Variants in ZNF683 observed in about 807,000 individuals in gnomAD.
ZNF683 encodes the protein zinc finger protein 683.
ZNF683 carries 20 observed loss-of-function variants against 31.4 expected under a neutral mutation model. The ratio of observed to expected loss-of-function variants is 0.64; its 90% CI spans 0.45 to 0.93. The LOEUF (loss-of-function observed/expected upper bound fraction) is 0.93, where lower values mean the gene tolerates loss of function less well. ZNF683 is among the 40% of genes least tolerant of loss of function. ZNF683 has a pLI of 0.00. For missense variants in ZNF683, 621 were observed against 637.2 expected (o/e 0.97, Z 0.27); for synonymous variants, 264 against 267.6 (o/e 0.99, Z 0.13).
Position 26,361,867 on chromosome 1 carries a change from A to T in ZNF683, c.1299T>A (p.Cys433Ter), listed in dbSNP as rs2074391992. 6.2e-7 allele frequency: 1 copy of T among 1,613,890 alleles called. No homozygotes were observed. Among genetic ancestry groups the T allele is most frequent in the African/African-American group, 1.3e-5 (1 of 74,946 alleles). The change falls in exon 6 of 6, where the codon TGT (cysteine) becomes TGA (stop). Residue 433 changes from cysteine (C) to a stop codon, truncating the protein, a stop_gained. Transcript: ENST00000349618. LOFTEE classifies it low-confidence loss of function (END_TRUNC). Reference protein sequence around the residue: ...LHHRLHAPQPCGLVHTQLPLA... With the variant: ...LHHRLHAPQP The stretch of plus-strand genomic sequence containing the variant: ...GGGGCAGCTGGGTGTGCACCAGGCC[A>T]CAGGGCTGTGGGGCATGCAGCCGAT...
rs1280514482 is a variant in ZNF683, at chr1:26,361,767, T to G, written c.1399A>C (p.Met467Leu). The stretch of plus-strand genomic sequence containing the variant: ...TTGACCTCATCTATGTCATAGCCCA[T>G]GTGTTTCTCAGATGCCACCGCCATA... The part of the protein sequence containing the change: ...DLMAVASEKH[M>L]GYDIDEVKVS... The change falls in exon 6 of 6, where the codon ATG becomes CTG. Residue 467 changes from methionine (M) to leucine (L), a missense_variant. Met to Leu is a conservative substitution (Grantham distance 15). Coordinates refer to ENST00000349618, the MANE Select transcript of ZNF683 (RefSeq NM_001114759.3). 6.2e-7 allele frequency: 1 copy of G among 1,613,902 alleles called. No homozygotes were observed. The highest frequency in any genetic ancestry group is 2.2e-5 in the East Asian group (1 of 44,898).
In ZNF683 at chr1:26,367,577, G is replaced by A. The variant is rs748036394; in HGVS notation, c.319+16C>T. Reference sequence around the variant, plus strand: ...CCTCTGCCAGGCGCAGGTGCAGCCCGGTGCCCTGGGCTTACTCATGCTCAA... The same window carrying A: ...CCTCTGCCAGGCGCAGGTGCAGCCCAGTGCCCTGGGCTTACTCATGCTCAA... On this transcript the variant is annotated intron_variant, in intron 3 of 5. Transcript: ENST00000349618. 46 of 1,563,990 alleles carry A rather than the reference G, an allele frequency of 2.9e-5. No homozygotes were observed. Among genetic ancestry groups the A allele is most frequent in the South Asian group, 6.0e-5 (5 of 83,232 alleles).
intron 1 of ZNF683, among the ~76,000 whole-genome samples, chr1:26,371,004 C>T (rs1001643707): frequency 1.3e-5 from 2 of 152,026 alleles, no homozygotes; most frequent in Admixed American, 6.6e-5. Context: ...GATGGCTGGA[C>T]GGGAGGACAG....
chr1:26,368,355 G>A, intron 2 of ZNF683, 103 bp downstream of exon 2: 13 of 1,363,054 alleles, frequency 9.5e-6, no homozygotes, highest in Non-Finnish European at 1.3e-5. Flanking sequence ...CTCAGACTGG[G>A]AAGGAGATCT....
upstream of ZNF683, chr1:26,374,145 A>G (rs961723324): frequency 2.3e-6 from 2 of 882,970 alleles, no homozygotes; most frequent in African/African-American, 1.8e-5. Context: ...CCAAAACTCT[A>G]CTCCCTAAAA....
At chr1:26,363,464 C>T (rs923115876) in intron 4 of ZNF683, among the ~76,000 whole-genome samples, 1 of 152,146 alleles carries the variant, frequency 6.6e-6, no homozygotes, top group African/African-American at 2.4e-5. Flanking sequence ...GGCCCCAGAC[C>T]TGCTGAATCA....
rs373823990 is a variant in ZNF683, at chr1:26,365,191, C to T, written c.355G>A (p.Asp119Asn). Reference protein sequence around the residue: ...EPPGLQASSTDDKKFTVKYPQ... With the variant: ...EPPGLQASSTNDKKFTVKYPQ... ...TACTTGACTGTGAATTTCTTGTCAT[C>T]GGTGGAGCTGGCCTGCAGCCCTGGT... The change falls in exon 4 of 6, where the codon GAT becomes AAT. Residue 119 changes from aspartate to asparagine, a missense_variant. Physicochemically the swap from Asp to Asn is conservative, Grantham distance 23. Transcript: ENST00000349618. 386 of 1,608,132 alleles carry T rather than the reference C, an allele frequency of 2.4e-4. 8 individuals are homozygous for T. The South Asian group carries it at 3.7e-3, about 15-fold the overall frequency.
Position 26,361,851 on chromosome 1 carries a change from G to A in ZNF683, c.1315C>T (p.Gln439Ter), listed in dbSNP as rs772704216. 17 of 1,613,904 alleles carry A rather than the reference G, an allele frequency of 1.1e-5. No homozygotes were observed. The South Asian group carries it at 1.4e-4, about 14-fold the overall frequency. The change falls in exon 6 of 6, where the codon CAG (glutamine) becomes TAG (stop). Residue 439 changes from glutamine to a stop codon, truncating the protein, a stop_gained. Transcript: ENST00000349618. LOFTEE classifies it low-confidence loss of function (END_TRUNC). The stretch of plus-strand genomic sequence containing the variant: ...CAGGCCAGAGAGGCCAGGGGCAGCT[G>A]GGTGTGCACCAGGCCACAGGGCTGT... ...APQPCGLVHT[Q>*]LPLASLACLA...
At chr1:26,364,395 A>T in intron 4 of ZNF683, 137 bp downstream of exon 4, 1 of 939,078 alleles carries the variant, frequency 1.1e-6, no homozygotes, top group East Asian at 2.4e-5. Flanking sequence ...CAAATGAACC[A>T]TCCAAGGTCA....
At chr1:26,362,655 G>A (rs1258997996) in intron 5 of ZNF683, among the ~76,000 whole-genome samples, 1 of 152,150 alleles carries the variant, frequency 6.6e-6, no homozygotes. Context: ...CTGCCCTTCT[G>A]ATTTCCCGAG....
intron 5 of ZNF683, among the ~76,000 whole-genome samples, chr1:26,362,334 C>T (rs2074407222): frequency 6.6e-6 from 1 of 152,176 alleles, no homozygotes; most frequent in African/African-American, 2.4e-5. Context: ...GAGATAATCA[C>T]ATAGAACTCT....
Position 26,364,670 on chromosome 1 carries a change from T to G in ZNF683, c.876A>C (p.Ala292=). 6.2e-7 allele frequency: 1 copy of G among 1,613,954 alleles called. No homozygotes were observed. Residue 292 remains alanine (A), a synonymous_variant, in exon 4 of 6, where the codon GCA becomes GCC. Transcript: ENST00000349618. ...TCAATGGGACCCGCTTTGCTGGAGA[T>G]GCCATGCCACCACGCTCCAGGCCTG... ...DSPGLERGGM[A]SPAKRVPLSS...
At position 26,365,025 on chromosome 1, in the gene ZNF683, G is replaced by A. The variant is rs775449575; in HGVS notation, c.521C>T (p.Pro174Leu). ...GGAGATGGAGTTGACAGGGGGACAG[G>A]GGCAGAAAGCCAAGGGGCTGGGGCT... ...RKSPSPLAFC[P>L]CPPVNSISKE... Residue 174 changes from proline to leucine, a missense_variant, in exon 4 of 6, where the codon CCC becomes CTC. Transcript: ENST00000349618. The A allele has an allele frequency of 5.7e-6, 9 of 1,590,446 alleles. No individual in the cohort carries two copies. The highest frequency in any genetic ancestry group is 1.4e-5 in the African/African-American group (1 of 73,956).
rs2124145491 is a variant in ZNF683 at position 26,365,015 on chromosome 1, A to C, written c.531T>G (p.Pro177=). The C allele has an allele frequency of 6.3e-7, 1 of 1,585,158 alleles. No individual in the cohort carries two copies. The highest frequency in any genetic ancestry group is 8.6e-7 in the Non-Finnish European group (1 of 1,168,200). ...PSPLAFCPCP[P]VNSISKELPF... ...GGAGCTCCTTGGAGATGGAGTTGAC[A>C]GGGGGACAGGGGCAGAAAGCCAAGG... The change falls in exon 4 of 6, where the codon CCT becomes CCG. Residue 177 remains proline (P), a synonymous_variant. Transcript: ENST00000349618.
chr1:26,368,237 G>A (rs982679271), intron 2 of ZNF683, among the ~76,000 whole-genome samples: 2 of 152,258 alleles, frequency 1.3e-5, no homozygotes, highest in Non-Finnish European at 2.9e-5. Context: ...ACTGCACGAG[G>A]CTTCCGCTTC....
upstream of ZNF683, among the ~76,000 whole-genome samples, chr1:26,372,980 G>T (rs777961425): frequency 6.6e-6 from 1 of 152,152 alleles, no homozygotes; most frequent in Non-Finnish European, 1.5e-5. Context: ...CATGAGAAGA[G>T]GCATAACCCC....
At position 26,368,661 on chromosome 1, in the gene ZNF683, C is replaced by T. The variant is rs115771801; in HGVS notation, c.-14-76G>A. On this transcript the variant is annotated intron_variant, in intron 1 of 5. Transcript: ENST00000349618. ...GTCTGAGTTCTAGGACTGGCTCTCC[C>T]ATTAACATGCTGCATGACCACAAGT... 1.6e-3 allele frequency: 2,365 copies of T among 1,442,632 alleles called. 37 individuals are homozygous for T. In the African/African-American group the frequency reaches 0.03, roughly 19 times the overall value. 89.4% of individuals were successfully genotyped at this position (1,442,632 alleles called of 1,614,324 possible). A position where few individuals can be genotyped will look rare whatever the true frequency, so the allele number is the denominator to read the frequency against.
chr1:26,374,175 C>A, upstream of ZNF683: 1 of 1,221,938 alleles, frequency 8.2e-7, no homozygotes, highest in South Asian at 1.3e-5. Context: ...CTCTCAGACC[C>A]CCAGGCCACA....
In ZNF683 at chr1:26,364,923, T is replaced by C; in HGVS notation, c.623A>G (p.Tyr208Cys). ...ACATTGGTCAGAAGGTAGGGCCCCA[T>C]AGGTGAACAGGTGGGGTGGAGGCAG... ...LLLPPPHLFT[Y>C]GALPSDQCPH... The change falls in exon 4 of 6, where the codon TAT becomes TGT. Residue 208 changes from tyrosine to cysteine, a missense_variant. Tyr to Cys is a radical substitution (Grantham distance 194). Transcript: ENST00000349618. 1 of 1,550,994 alleles carries C rather than the reference T, an allele frequency of 6.4e-7. No homozygotes were observed. The highest frequency in any genetic ancestry group is 8.7e-7 in the Non-Finnish European group (1 of 1,152,306).
Sources: gnomAD v4.1 joint callset for allele counts (sites outside exome capture counted in the v4.1 genomes callset) on GRCh38, gnomAD v4.1.1 for gene constraint, MANE v1.5 for transcripts, NCBI Gene and HGNC (gene_info 2026-07-23, HGNC 2026-07-21) for gene names.